FRMD5: variants seen among roughly 807,000 people sequenced by gnomAD.
FRMD5 encodes the protein FERM domain-containing protein 5.
In FRMD5, 20 loss-of-function variants were observed where a neutral mutation model predicts 69.0. The observed-to-expected ratio is 0.29, with a 90% confidence interval of 0.20 to 0.42. The LOEUF (loss-of-function observed/expected upper bound fraction) is 0.42, where lower values mean the gene tolerates loss of function less well. Among genes scored for constraint, FRMD5 ranks in the 10% least tolerant of loss-of-function variants. The pLI, the probability that FRMD5 is intolerant of heterozygous loss-of-function variation, is 1.00. For synonymous variants in FRMD5, 271 were observed against 260.1 expected, an observed-to-expected ratio of 1.04 and a Z score of -0.40; for missense variants, 595 against 708.6, an observed-to-expected ratio of 0.84 and a Z score of 1.82.
At chr15:43,875,245 T>C (rs2088298255) in intron 13 of FRMD5, among the ~76,000 whole-genome samples, 1 of 151,096 alleles carries the variant, frequency 6.6e-6, no homozygotes, top group Non-Finnish European at 1.5e-5. Context: ...TTGTCCCAGC[T>C]ACTTTGTAGG....
intron 1 of FRMD5, among the ~76,000 whole-genome samples, chr15:43,996,424 T>C (rs1413717431): frequency 6.6e-6 from 1 of 152,170 alleles, no homozygotes; most frequent in Non-Finnish European, 1.5e-5. Flanking sequence ...TTTGGGGAAG[T>C]GTGACGAGGG....
chr15:43,952,891 A>G (rs935323486), intron 1 of FRMD5, among the ~76,000 whole-genome samples: 1 of 152,236 alleles, frequency 6.6e-6, no homozygotes, highest in Non-Finnish European at 1.5e-5. Context: ...GTCAGCAGAA[A>G]GCAGAATTGA....
intron 1 of FRMD5, among the ~76,000 whole-genome samples, chr15:43,964,325 G>C (rs758536294): frequency 1.3e-5 from 2 of 151,544 alleles, no homozygotes; most frequent in Non-Finnish European, 2.9e-5. Context: ...CTATTTTCCT[G>C]AACTTTTTTT....
At chr15:44,020,936 A>T (rs902428421) in intron 1 of FRMD5, among the ~76,000 whole-genome samples, 1 of 152,204 alleles carries the variant, frequency 6.6e-6, no homozygotes, top group Non-Finnish European at 1.5e-5. Flanking sequence ...TAATAGATAC[A>T]AATATCTCAA....
intron 1 of FRMD5, among the ~76,000 whole-genome samples, chr15:44,024,661 T>C (rs933297663): frequency 6.6e-6 from 1 of 152,232 alleles, no homozygotes; most frequent in Non-Finnish European, 1.5e-5. Context: ...AAAATTGATT[T>C]GTGGAATTTT....
intron 1 of FRMD5, among the ~76,000 whole-genome samples, chr15:43,968,221 T>G (rs1299272584): frequency 6.6e-6 from 1 of 152,030 alleles, no homozygotes; most frequent in African/African-American, 2.4e-5. Context: ...CCGCCCCCAA[T>G]TACTTGACGC....
At chr15:44,025,441 C>T (rs543496062) in intron 1 of FRMD5, among the ~76,000 whole-genome samples, 5 of 151,916 alleles carry the variant, frequency 3.3e-5, no homozygotes, top group South Asian at 2.1e-4. Context: ...CATATATATA[C>T]ACACACACAA....
At chr15:44,064,011 T>C in intron 1 of FRMD5, 1 of 223,800 alleles carries the variant, frequency 4.5e-6, no homozygotes, top group Non-Finnish European at 9.0e-6. Context: ...TCCATGACAA[T>C]TCTGGCATCA....
At chr15:43,953,425 C>T (rs1327361783) in intron 1 of FRMD5, among the ~76,000 whole-genome samples, 1 of 151,978 alleles carries the variant, frequency 6.6e-6, no homozygotes, top group Non-Finnish European at 1.5e-5. Flanking sequence ...AGGAAGCAAG[C>T]ATCACTCCTA....
At chr15:44,143,618 C>T (rs1158146342) in intron 1 of FRMD5, among the ~76,000 whole-genome samples, 1 of 150,656 alleles carries the variant, frequency 6.6e-6, no homozygotes, top group Non-Finnish European at 1.5e-5. Flanking sequence ...GAACGCATTA[C>T]TAGATGGTAG....
intron 1 of FRMD5, among the ~76,000 whole-genome samples, chr15:44,047,665 T>G (rs1892487585): frequency 6.6e-6 from 1 of 152,214 alleles, no homozygotes; most frequent in African/African-American, 2.4e-5. Flanking sequence ...TTTAGAATAT[T>G]TTTGTCCCTC....
rs186193831 is a variant in FRMD5, at chr15:43,896,965, C to G, written c.640-4896G>C. On this transcript the variant is annotated intron_variant, in intron 7 of 13. Transcript: ENST00000417257. Reference sequence around the variant, plus strand: ...TACACTTAAACTTGGCCACAATAAACTAGAATGGAAATGAAGAGGAGAAGG... The same window carrying G: ...TACACTTAAACTTGGCCACAATAAAGTAGAATGGAAATGAAGAGGAGAAGG... 2.0e-3 allele frequency among the ~76,000 whole-genome samples: 311 copies of G among 152,146 alleles called. 1 individual carries two copies. Among genetic ancestry groups the G allele is most frequent in the African/African-American group, 7.2e-3 (298 of 41,490 alleles).
chr15:43,921,946 T>C (rs2089500784), intron 2 of FRMD5, among the ~76,000 whole-genome samples: 1 of 152,144 alleles, frequency 6.6e-6, no homozygotes, highest in Non-Finnish European at 1.5e-5. Flanking sequence ...TCAGACTGTC[T>C]TGAGACCCAG....
At chr15:44,095,145 TG>T (rs1390229098) in intron 1 of FRMD5, among the ~76,000 whole-genome samples, 2 of 151,860 alleles carry the variant, frequency 1.3e-5, no homozygotes, top group African/African-American at 4.8e-5. Context: ...AGAATCTCTA[TG>T]AGACAGGACT....
intron 1 of FRMD5, among the ~76,000 whole-genome samples, chr15:44,105,973 T>A (rs1595469321): frequency 1.3e-5 from 2 of 152,224 alleles, no homozygotes; most frequent in Admixed American, 6.5e-5. Context: ...TCCTCCTATA[T>A]ACTTTATCTT....
chr15:43,902,797 G>A (rs1595499788), intron 6 of FRMD5, among the ~76,000 whole-genome samples: 1 of 152,272 alleles, frequency 6.6e-6, no homozygotes, highest in African/African-American at 2.4e-5. Context: ...AATACTATGG[G>A]GTAAAACAAA....
intron 1 of FRMD5, among the ~76,000 whole-genome samples, chr15:44,071,031 T>C (rs1893518524): frequency 6.6e-6 from 1 of 152,186 alleles, no homozygotes; most frequent in African/African-American, 2.4e-5. Context: ...TGCTCCTCTC[T>C]CTTCATGTGA....
intron 1 of FRMD5, among the ~76,000 whole-genome samples, chr15:44,052,958 G>A (rs1892729091): frequency 6.6e-6 from 1 of 152,108 alleles, no homozygotes; most frequent in African/African-American, 2.4e-5. Flanking sequence ...AGAGATGCAT[G>A]CTATTTTTAA....
chr15:44,151,119 C>T (rs1418812580), intron 1 of FRMD5, among the ~76,000 whole-genome samples: 1 of 151,172 alleles, frequency 6.6e-6, no homozygotes, highest in Non-Finnish European at 1.5e-5. Context: ...AAAAAAGGAC[C>T]GGGCGTGGTG....
Sources: gnomAD v4.1 joint callset for allele counts (sites outside exome capture counted in the v4.1 genomes callset) on GRCh38, gnomAD v4.1.1 for gene constraint, MANE v1.5 for transcripts, NCBI Gene and HGNC (gene_info 2026-07-23, HGNC 2026-07-21) for gene names.